Variants in CHRM2 observed in about 807,000 individuals in gnomAD.
CHRM2 encodes cholinergic receptor muscarinic 2.
CHRM2 carries 8 observed loss-of-function variants against 25.0 expected under a neutral mutation model. The ratio of observed to expected loss-of-function variants is 0.32; its 90% CI spans 0.19 to 0.58. The LOEUF is 0.58. CHRM2 is among the 20% of genes least tolerant of loss of function. CHRM2 has a pLI of 0.88. For missense variants in CHRM2, 440 were observed against 567.1 expected (o/e 0.78, Z 2.28); for synonymous variants, 202 against 205.7 (o/e 0.98, Z 0.15).
chr7:137,006,641 T>G (rs1804447074), intron 3 of CHRM2, among the ~76,000 whole-genome samples: 1 of 152,120 alleles, frequency 6.6e-6, no homozygotes, highest in Admixed American at 6.6e-5. Flanking sequence ...TGTTCTATAA[T>G]TTTCTTTTAC....
intron 3 of CHRM2, among the ~76,000 whole-genome samples, chr7:136,997,867 G>T (rs1239589160): frequency 2.0e-5 from 3 of 152,092 alleles, no homozygotes; most frequent in African/African-American, 7.2e-5. Flanking sequence ...TGTGAAATAA[G>T]CATGTAAGTC....
At chr7:136,946,701 A>G (rs955423761) in intron 2 of CHRM2, among the ~76,000 whole-genome samples, 1 of 152,160 alleles carries the variant, frequency 6.6e-6, no homozygotes, top group Non-Finnish European at 1.5e-5. Context: ...GAATAATGCT[A>G]CTCATTTGTA....
intron 2 of CHRM2, among the ~76,000 whole-genome samples, chr7:136,969,715 T>C (rs1338072407): frequency 6.6e-6 from 1 of 152,148 alleles, no homozygotes; most frequent in Non-Finnish European, 1.5e-5. Context: ...TTTTCATAGG[T>C]TAACATATAC....
chr7:137,011,227 A>ATATATATATATATATG (rs1804803639), intron 3 of CHRM2, among the ~76,000 whole-genome samples: 1 of 133,064 alleles, frequency 7.5e-6, no homozygotes, highest in Non-Finnish European at 1.6e-5. Flanking sequence ...ATATATATAT[A>ATATATATATATATATG]TATATATGGA....
intron 2 of CHRM2, among the ~76,000 whole-genome samples, chr7:136,962,963 A>G (rs1474992901): frequency 6.6e-6 from 1 of 152,246 alleles, no homozygotes. Flanking sequence ...AGGAAAATTA[A>G]TAATTGAAAT....
At chr7:136,947,395 A>G (rs891274567) in intron 2 of CHRM2, among the ~76,000 whole-genome samples, 7 of 152,228 alleles carry the variant, frequency 4.6e-5, no homozygotes, top group African/African-American at 7.2e-5. Context: ...ATTGAAGGAA[A>G]ACAATACAGT....
intron 2 of CHRM2, among the ~76,000 whole-genome samples, chr7:136,943,578 T>G (rs1799894921): frequency 6.6e-6 from 1 of 152,172 alleles, no homozygotes; most frequent in South Asian, 2.1e-4. Context: ...CAAGCTAATA[T>G]TTTGTTGATC....
chr7:136,900,560 A>G (rs1296382292), intron 2 of CHRM2, among the ~76,000 whole-genome samples: 2 of 151,950 alleles, frequency 1.3e-5, no homozygotes, highest in Non-Finnish European at 2.9e-5. Context: ...GAAGGAGGGG[A>G]TGTGAAAAGG....
chr7:137,004,376 T>G (rs1804276530), intron 3 of CHRM2, among the ~76,000 whole-genome samples: 1 of 152,104 alleles, frequency 6.6e-6, no homozygotes. Flanking sequence ...ATAGTCCACA[T>G]GGAACATACT....
At chr7:136,995,115 A>T (rs1264791269) in intron 3 of CHRM2, among the ~76,000 whole-genome samples, 2 of 152,176 alleles carry the variant, frequency 1.3e-5, no homozygotes, top group Non-Finnish European at 2.9e-5. Flanking sequence ...TATATCCTAT[A>T]CACATTGTAT....
Position 136,938,335 on chromosome 7 carries a change from G to A in CHRM2, c.-124-53852G>A, listed in dbSNP as rs1799540933. On this transcript the variant is annotated intron_variant, in intron 2 of 3. Coordinates refer to ENST00000680005, the MANE Select transcript of CHRM2 (RefSeq NM_001006630.2). ...GAACATGTTGTCCATGTTGCTCCGA[G>A]TCGTCGTCTGCTGCTGCAGGAGGCT... 7 of 1,522,512 alleles carry A rather than the reference G, an allele frequency of 4.6e-6. No individual in the cohort carries two copies. In the African/African-American group the frequency reaches 5.5e-5, roughly 12 times the overall value. The allele number at this position is 1,522,512 out of a possible 1,614,324, so 94.3% of individuals were successfully genotyped here.
chr7:136,971,790 A>C (rs996949935), intron 2 of CHRM2, among the ~76,000 whole-genome samples: 1 of 133,042 alleles, frequency 7.5e-6, no homozygotes, highest in Non-Finnish European at 1.7e-5. Flanking sequence ...GAGTTTGGTA[A>C]AAATCTGCAT....
At chr7:136,934,666 A>C (rs1028935055) in intron 2 of CHRM2, among the ~76,000 whole-genome samples, 1 of 152,124 alleles carries the variant, frequency 6.6e-6, no homozygotes, top group East Asian at 1.9e-4. Context: ...CCCAAAAAAG[A>C]TATTGGAAGG....
At chr7:136,967,052 G>GA (rs1264234133) in intron 2 of CHRM2, among the ~76,000 whole-genome samples, 4 of 151,620 alleles carry the variant, frequency 2.6e-5, no homozygotes, top group African/African-American at 4.8e-5. Context: ...TGATTCACAA[G>GA]AAAAAAATTC....
chr7:136,984,853 T>A (rs1455367375), intron 2 of CHRM2, among the ~76,000 whole-genome samples: 4 of 152,054 alleles, frequency 2.6e-5, no homozygotes, highest in Non-Finnish European at 5.9e-5. Flanking sequence ...TCTGCGTTGG[T>A]CTCGCTGGGA....
chr7:136,926,416 C>G (rs187958201), intron 2 of CHRM2, among the ~76,000 whole-genome samples: 49 of 152,292 alleles, frequency 3.2e-4, no homozygotes, highest in Non-Finnish European at 4.9e-4. Context: ...GCATCACTGT[C>G]TGGGTTGAAG....
chr7:137,012,009 T>C (rs980815419), intron 3 of CHRM2, among the ~76,000 whole-genome samples: 2 of 152,098 alleles, frequency 1.3e-5, no homozygotes, highest in Admixed American at 1.3e-4. Flanking sequence ...ATCAGTGTTA[T>C]TCATTATTCT....
At chr7:136,957,038 G>A (rs1800766181) in intron 2 of CHRM2, among the ~76,000 whole-genome samples, 1 of 152,186 alleles carries the variant, frequency 6.6e-6, no homozygotes, top group African/African-American at 2.4e-5. Context: ...CCTAATGGAG[G>A]TGTGTTTTGG....
intron 2 of CHRM2, among the ~76,000 whole-genome samples, chr7:136,875,506 T>A (rs1275965821): frequency 6.6e-6 from 1 of 152,124 alleles, no homozygotes; most frequent in African/African-American, 2.4e-5. Flanking sequence ...CATCCGGGCA[T>A]CTTTTCAGAC....
Sources: allele counts gnomAD v4.1 joint callset (sites outside exome capture counted in the v4.1 genomes callset), GRCh38; gene constraint gnomAD v4.1.1; transcripts MANE v1.5; gene names NCBI Gene and HGNC (gene_info 2026-07-23, HGNC 2026-07-21).